Variants in CDH18 observed in about 807,000 individuals in gnomAD.
The protein encoded by CDH18 is cadherin-18.
In CDH18, 31 loss-of-function variants were observed where a neutral mutation model predicts 67.9. The observed-to-expected ratio is 0.46, with a 90% confidence interval of 0.34 to 0.62. The LOEUF (loss-of-function observed/expected upper bound fraction) is 0.62. Ranked by LOEUF, CDH18 falls within the 20% of genes least tolerant of loss-of-function variation. The pLI, the probability that CDH18 is intolerant of heterozygous loss-of-function variation, is 0.01. For missense variants in CDH18, 890 were observed against 975.5 expected (o/e 0.91, Z 1.17); for synonymous variants, 362 against 347.2 (o/e 1.04, Z -0.48).
chr5:20,179,789 A>G (rs943018654), intron 2 of CDH18, among the ~76,000 whole-genome samples: 2 of 152,132 alleles, frequency 1.3e-5, no homozygotes, highest in Non-Finnish European at 2.9e-5. Context: ...TTATCCCTGT[A>G]GCTCTCAATA....
intron 2 of CDH18, among the ~76,000 whole-genome samples, chr5:19,916,840 G>T (rs2388127): frequency 0.96 from 146,379 of 152,220 alleles, 70,649 homozygotes; most frequent in Middle Eastern, 1. Context: ...TATTTATAAA[G>T]AATGCTTCAA....
chr5:20,341,500 T>A (rs1469370065), intron 1 of CDH18, among the ~76,000 whole-genome samples: 7 of 150,696 alleles, frequency 4.6e-5, no homozygotes, highest in African/African-American at 1.5e-4. Flanking sequence ...AAACTCTCCT[T>A]TGTATATATA....
At chr5:19,598,412 CT>C (rs1181248090) in intron 6 of CDH18, among the ~76,000 whole-genome samples, 6 of 151,876 alleles carry the variant, frequency 4.0e-5, no homozygotes, top group African/African-American at 1.2e-4. Context: ...AATCTTGCAT[CT>C]TTTTTTAAAA....
At chr5:20,114,301 T>G (rs1273448046) in intron 2 of CDH18, among the ~76,000 whole-genome samples, 1 of 152,214 alleles carries the variant, frequency 6.6e-6, no homozygotes, top group Non-Finnish European at 1.5e-5. Flanking sequence ...AGAGTTTATA[T>G]AAATCTATCA....
At chr5:20,405,286 A>G (rs1490534137) in intron 1 of CDH18, among the ~76,000 whole-genome samples, 1 of 152,196 alleles carries the variant, frequency 6.6e-6, no homozygotes, top group Non-Finnish European at 1.5e-5. Flanking sequence ...AATGCCACAC[A>G]TCTACAACTA....
chr5:19,536,647 C>T (rs1382652648), intron 9 of CDH18, among the ~76,000 whole-genome samples: 2 of 152,126 alleles, frequency 1.3e-5, no homozygotes, highest in Admixed American at 6.5e-5. Context: ...CTTAACTTTA[C>T]ATTGGATTCA....
intron 2 of CDH18, among the ~76,000 whole-genome samples, chr5:19,999,626 T>C (rs539531116): frequency 1.3e-5 from 2 of 152,110 alleles, no homozygotes; most frequent in Admixed American, 1.3e-4. Flanking sequence ...ATATTAGTAA[T>C]AGTAATAATA....
intron 2 of CDH18, among the ~76,000 whole-genome samples, chr5:19,868,235 GC>G (rs1785808897): frequency 6.6e-6 from 1 of 152,062 alleles, no homozygotes; most frequent in Non-Finnish European, 1.5e-5. Flanking sequence ...ATGATTACCT[GC>G]AAAGTTTCCT....
rs188174236 is a variant in CDH18, at chr5:19,577,868, G to A, written c.1000-6036C>T. ...ACTATAAGAAGAGGTGATAATCCTC[G>A]ATTATTTAGGTAGGTGTTAAATTTA... On this transcript the variant is annotated intron_variant, in intron 7 of 12. Transcript: ENST00000382275. Among the ~76,000 whole-genome samples the A allele has an allele frequency of 2.6e-4, 40 of 152,276 alleles. No homozygotes were observed. The East Asian group carries it at 7.1e-3, about 27-fold the overall frequency.
chr5:19,990,669 T>G (rs1229013425), upstream of CDH18, among the ~76,000 whole-genome samples: 1 of 152,072 alleles, frequency 6.6e-6, no homozygotes, highest in Non-Finnish European at 1.5e-5. Flanking sequence ...GCTTCTGGAG[T>G]TTGACATTCT....
At chr5:20,268,067 G>A (rs1040972080) in intron 1 of CDH18, among the ~76,000 whole-genome samples, 1 of 152,080 alleles carries the variant, frequency 6.6e-6, no homozygotes, top group Admixed American at 6.5e-5. Flanking sequence ...TTTTGTTCCT[G>A]CATTAATTTG....
At chr5:20,267,614 C>T (rs996771436) in intron 1 of CDH18, among the ~76,000 whole-genome samples, 1 of 152,080 alleles carries the variant, frequency 6.6e-6, no homozygotes, top group Non-Finnish European at 1.5e-5. Flanking sequence ...AGGTCTTTTA[C>T]TGCCTTGGTT....
chr5:19,800,912 A>C (rs1417027613), intron 3 of CDH18, among the ~76,000 whole-genome samples: 1 of 152,160 alleles, frequency 6.6e-6, no homozygotes, highest in African/African-American at 2.4e-5. Context: ...TGAGCTCGGG[A>C]GTCCGCGACC....
chr5:19,612,014 T>C (rs535410879), intron 6 of CDH18, among the ~76,000 whole-genome samples: 1 of 149,362 alleles, frequency 6.7e-6, no homozygotes, highest in Non-Finnish European at 1.5e-5. Flanking sequence ...GTATACAGCA[T>C]TTATTCATAA....
chr5:19,879,228 G>A (rs1787357080), intron 2 of CDH18, among the ~76,000 whole-genome samples: 2 of 151,876 alleles, frequency 1.3e-5, no homozygotes, highest in Admixed American at 6.6e-5. Context: ...TTATGGGGTG[G>A]TAAGAATGCC....
In CDH18 at chr5:20,538,322, CATG is replaced by C. The variant is rs1234804465; in HGVS notation, c.-580+37137_-580+37139del. ...AAAGCTGGTTTTCTAAAGCATTTCT[CATG>C]AGGATATGCTGGATGCTTCAAAAAT... is the stretch of plus-strand genomic sequence containing the variant. On this transcript the variant is annotated intron_variant, in intron 1 of 14. Coordinates refer to the CDH18 transcript ENST00000507958. 4.6e-5 allele frequency among the ~76,000 whole-genome samples: 7 copies of C among 152,252 alleles called. No homozygotes were observed. The East Asian group carries it at 1.2e-3, about 25-fold the overall frequency.
chr5:19,561,824 T>C (rs10064164), intron 8 of CDH18, among the ~76,000 whole-genome samples: 4,137 of 152,252 alleles, frequency 0.027, 190 homozygotes, highest in African/African-American at 0.093. Context: ...TATGAAAGAA[T>C]AGAGTTGTCT....
rs555413032 is a variant in CDH18 at position 19,686,541 on chromosome 5, C to T, written c.643+34806G>A. 1.1e-4 allele frequency among the ~76,000 whole-genome samples: 17 copies of T among 152,192 alleles called. No homozygotes were observed. The East Asian group carries it at 1.4e-3, about 12-fold the overall frequency. ...GATGTTTAAAATGCCTATTTATGTG[C>T]GCGCACCTACAAATACATACATTTT... On this transcript the variant is annotated intron_variant, in intron 5 of 12. Coordinates refer to ENST00000382275, the MANE Select transcript of CDH18 (RefSeq NM_004934.5).
At chr5:20,005,598 A>G (rs1736837716) in intron 2 of CDH18, among the ~76,000 whole-genome samples, 1 of 151,860 alleles carries the variant, frequency 6.6e-6, no homozygotes. Context: ...ACACACATAC[A>G]TATACATATA....
Sources: allele counts gnomAD v4.1 joint callset (sites outside exome capture counted in the v4.1 genomes callset), GRCh38; gene constraint gnomAD v4.1.1; transcripts MANE v1.5; gene names NCBI Gene and HGNC (gene_info 2026-07-23, HGNC 2026-07-21).